The following NTRK3 variants were observed in gnomAD, a reference collection of about 807,000 sequenced individuals.
The protein encoded by NTRK3 is NT-3 growth factor receptor.
NTRK3 carries 24 observed loss-of-function variants against 91.7 expected under a neutral mutation model. The observed-to-expected ratio is 0.26, with a 90% confidence interval of 0.19 to 0.37. The LOEUF (loss-of-function observed/expected upper bound fraction) is 0.37, where lower values mean the gene tolerates loss of function less well. Ranked by LOEUF, NTRK3 falls within the 10% of genes least tolerant of loss-of-function variation. NTRK3 has a pLI of 1.00. For missense variants in NTRK3, 880 were observed against 1,068.9 expected, an observed-to-expected ratio of 0.82 and a Z score of 2.46; for synonymous variants, 483 against 404.0, an observed-to-expected ratio of 1.20 and a Z score of -2.34.
Position 88,064,225 on chromosome 15 carries a change from C to A in NTRK3, c.1397-31180G>T, listed in dbSNP as rs560738511. 4.2e-4 allele frequency among the ~76,000 whole-genome samples: 64 copies of A among 152,342 alleles called. No individual in the cohort carries two copies. The South Asian group carries it at 0.012, about 29-fold the overall frequency. On this transcript the variant is annotated intron_variant, in intron 13 of 18. Coordinates refer to ENST00000394480, the Ensembl canonical transcript of NTRK3. Reference sequence around the variant, plus strand: ...AAAAGCCTTTGGCAGGAGCATGGCTCTGCTGATATCTTACTTTAAACTCCT... The same window carrying A: ...AAAAGCCTTTGGCAGGAGCATGGCTATGCTGATATCTTACTTTAAACTCCT...
At chr15:88,172,059 C>G (rs896333631) in intron 5 of NTRK3, among the ~76,000 whole-genome samples, 5 of 152,250 alleles carry the variant, frequency 3.3e-5, no homozygotes, top group Admixed American at 3.3e-4. Context: ...CTTACTCCAT[C>G]TGGGAGACCC....
At chr15:88,085,707 A>G (rs1408349232) in intron 13 of NTRK3, among the ~76,000 whole-genome samples, 1 of 152,156 alleles carries the variant, frequency 6.6e-6, no homozygotes, top group Non-Finnish European at 1.5e-5. Flanking sequence ...CCAGACTACA[A>G]ATATGCATTG....
chr15:88,112,096 C>T (rs28654195), intron 13 of NTRK3, among the ~76,000 whole-genome samples: 58,055 of 151,382 alleles, frequency 0.38, 11,224 homozygotes, highest in African/African-American at 0.41. Context: ...TTAGTAGAGA[C>T]AGGGTTTCAC....
In NTRK3 at chr15:88,234,657, C is replaced by T. The variant is rs1169780624; in HGVS notation, c.248+21249G>A. On this transcript the variant is annotated intron_variant, in intron 3 of 18. Coordinates refer to ENST00000394480, the Ensembl canonical transcript of NTRK3. The surrounding 1 kb of genome is among the most constrained non-coding windows in gnomAD (Gnocchi z 6.1). Reference sequence around the variant, plus strand: ...CCAGCCTGGATTAAGCACCCCCTCACAGAAATCTGTACAACCTTGTGCTTC... The same window carrying T: ...CCAGCCTGGATTAAGCACCCCCTCATAGAAATCTGTACAACCTTGTGCTTC... 6.6e-6 allele frequency among the ~76,000 whole-genome samples: 1 copy of T among 152,228 alleles called. No individual in the cohort carries two copies. The highest frequency in any genetic ancestry group is 1.5e-5 in the Non-Finnish European group (1 of 68,042).
intron 14 of NTRK3, among the ~76,000 whole-genome samples, chr15:87,974,401 G>C (rs1308105898): frequency 6.6e-6 from 1 of 152,206 alleles, no homozygotes; most frequent in Non-Finnish European, 1.5e-5. Context: ...TTAAGTGACA[G>C]TGGGTAGTCA....
At chr15:88,209,238 C>T (rs2049037607) in intron 3 of NTRK3, among the ~76,000 whole-genome samples, 1 of 152,170 alleles carries the variant, frequency 6.6e-6, no homozygotes, top group African/African-American at 2.4e-5. Flanking sequence ...TGCCCCAAAC[C>T]TCTGTTCTTC....
In NTRK3 at chr15:88,112,052, A is replaced by T. The variant is rs372733504; in HGVS notation, c.1396+14219T>A. Among the ~76,000 whole-genome samples, 8 of 151,712 alleles carry T rather than the reference A, an allele frequency of 5.3e-5. No individual in the cohort carries two copies. The South Asian group carries it at 1.7e-3, about 32-fold the overall frequency. ...CTCCTGAGTAGCTGGGACTACAGGCACCCGCCACCACGCCCAGCTAATTTT... is the reference window on the plus strand; with the variant it reads ...CTCCTGAGTAGCTGGGACTACAGGCTCCCGCCACCACGCCCAGCTAATTTT... On this transcript the variant is annotated intron_variant, in intron 13 of 18. Transcript: ENST00000394480.
At chr15:88,092,501 T>G (rs989429954) in intron 13 of NTRK3, among the ~76,000 whole-genome samples, 2 of 152,200 alleles carry the variant, frequency 1.3e-5, no homozygotes, top group Admixed American at 1.3e-4. Context: ...TGGTGTTGAC[T>G]CTCTCAGAAA....
At chr15:88,204,961 T>C (rs913098332) in intron 3 of NTRK3, among the ~76,000 whole-genome samples, 1 of 152,154 alleles carries the variant, frequency 6.6e-6, no homozygotes, top group African/African-American at 2.4e-5. Context: ...GAAAGGAATA[T>C]GATGGGAAAG....
At chr15:87,954,731 C>T (rs966392485) in intron 14 of NTRK3, among the ~76,000 whole-genome samples, 22 of 152,348 alleles carry the variant, frequency 1.4e-4, no homozygotes, top group African/African-American at 5.3e-4. Flanking sequence ...ACTAATTTAA[C>T]ATGTGTGAAA....
intron 3 of NTRK3, among the ~76,000 whole-genome samples, chr15:88,210,454 T>C (rs1284045328): frequency 6.6e-6 from 1 of 152,210 alleles, no homozygotes; most frequent in Non-Finnish European, 1.5e-5. Context: ...ATGTCCTGTA[T>C]CTCAAGCAGT....
At chr15:87,918,815 G>A (rs1478610176) in intron 17 of NTRK3, among the ~76,000 whole-genome samples, 2 of 152,184 alleles carry the variant, frequency 1.3e-5, no homozygotes, top group Non-Finnish European at 2.9e-5. Flanking sequence ...CATGGACAGG[G>A]TTAGCAAATG....
At chr15:87,977,747 A>G (rs2073851883) in intron 14 of NTRK3, 2 of 231,742 alleles carry the variant, frequency 8.6e-6, no homozygotes, top group African/African-American at 2.2e-5. Context: ...GCTGCCCCAG[A>G]TACTGGGCAA....
intron 3 of NTRK3, among the ~76,000 whole-genome samples, chr15:88,236,666 T>TAA (rs60381926): frequency 0.035 from 4,991 of 142,824 alleles, 128 homozygotes; most frequent in Non-Finnish European, 0.054. Context: ...AGGAAGGGAT[T>TAA]AAAAAAAAAA....
chr15:87,886,751 CATATAT>C (rs377719175), intron 17 of NTRK3, among the ~76,000 whole-genome samples: 2 of 132,322 alleles, frequency 1.5e-5, no homozygotes, highest in African/African-American at 6.2e-5. Flanking sequence ...CACACACACA[CATATAT>C]ATATATATTT....
chr15:87,897,425 T>C (rs1256604830), intron 17 of NTRK3, among the ~76,000 whole-genome samples: 26 of 152,212 alleles, frequency 1.7e-4, no homozygotes, highest in Admixed American at 1.6e-3. Context: ...ATTTGGCCCT[T>C]ATTTCCTTTT....
At chr15:88,187,717 C>T (rs1457777437) in intron 3 of NTRK3, among the ~76,000 whole-genome samples, 1 of 152,030 alleles carries the variant, frequency 6.6e-6, no homozygotes, top group African/African-American at 2.4e-5. Flanking sequence ...GTGGATCATT[C>T]ATGGTCAGGA....
intron 13 of NTRK3, among the ~76,000 whole-genome samples, chr15:88,050,487 G>A (rs1033472402): frequency 1.4e-4 from 15 of 104,838 alleles, no homozygotes; most frequent in African/African-American, 5.6e-4. Flanking sequence ...AATATATACC[G>A]TGTGTGTGTG....
chr15:88,182,159 G>A (rs539157302), intron 5 of NTRK3, among the ~76,000 whole-genome samples: 1 of 152,240 alleles, frequency 6.6e-6, no homozygotes, highest in South Asian at 2.1e-4. Flanking sequence ...CCTGAACAGT[G>A]ACCACAGAGC....
Sources: gnomAD v4.1 joint callset for allele counts (sites outside exome capture counted in the v4.1 genomes callset) on GRCh38, gnomAD v4.1.1 for gene constraint, Gnocchi (gnomAD v3.1) non-coding constraint, MANE v1.5 for transcripts, NCBI Gene and HGNC (gene_info 2026-07-23, HGNC 2026-07-21) for gene names.